Variants in JOSD2 observed in about 807,000 individuals in gnomAD.
JOSD2 encodes the protein josephin-2.
A neutral mutation model predicts 19.3 loss-of-function variants in JOSD2; 20 were observed. That is an observed-to-expected ratio of 1.04 (90% CI 0.73 to 1.51). JOSD2 has a LOEUF of 1.51. Among genes scored for constraint, JOSD2 ranks in the 40% most tolerant of loss-of-function variants. The probability of loss-of-function intolerance (pLI) is 0.00; values close to 1 mark genes in which losing one functional copy is unlikely to be tolerated. For missense variants in JOSD2, 215 were observed against 250.4 expected (o/e 0.86, Z 0.95); for synonymous variants, 118 against 123.7 (o/e 0.95, Z 0.31).
chr19:50,510,093 G>A, intron 2 of JOSD2, 193 bp downstream of exon 2: 1 of 567,214 alleles, frequency 1.8e-6, no homozygotes, highest in Non-Finnish European at 3.1e-6. Flanking sequence ...TTGAGGTCTG[G>A]CTGGGGCTGA....
Position 50,506,444 on chromosome 19 carries a change from C to A in JOSD2, c.401G>T (p.Gly134Val). 2 of 1,599,610 alleles carry A rather than the reference C, an allele frequency of 1.3e-6. No individual in the cohort carries two copies. Among genetic ancestry groups the A allele is most frequent in the Non-Finnish European group, 1.7e-6 (2 of 1,174,090 alleles). ...CTTGGAGTCCAGGTTGTAGTAGACA[C>A]CGTCCACCTGGCGCAGGGCCACCCA... is the stretch of plus-strand genomic sequence containing the variant. ...RHWVALRQVD[G>V]VYYNLDSKLR... is the part of the protein sequence containing the mutation. The change falls in exon 4 of 5, where the codon GGT becomes GTT. Residue 134 changes from glycine (G) to valine (V), a missense_variant. Transcript: ENST00000598418.
chr19:50,508,091 G>A (rs1036062563), intron 2 of JOSD2: 5 of 296,176 alleles, frequency 1.7e-5, no homozygotes, highest in African/African-American at 4.4e-5. Context: ...GTCTTCTCCC[G>A]CAGCCTCCAG....
chr19:50,508,698 C>CATGT, intron 2 of JOSD2, among the ~76,000 whole-genome samples: 1 of 140,910 alleles, frequency 7.1e-6, no homozygotes, highest in South Asian at 2.4e-4. Flanking sequence ...GGAAAACGCT[C>CATGT]GTGTGTGTGT....
chr19:50,506,075 A>C lies in JOSD2; in HGVS notation c.*98T>G. On this transcript the variant is annotated 3_prime_UTR_variant, in exon 5 of 5. Coordinates refer to ENST00000598418, the MANE Select transcript of JOSD2 (RefSeq NM_001270639.2). Reference sequence around the variant, plus strand: ...TGTGGGGAGGGGGCGGGGCCTCCCCAGGGTCCATGAAGTGCTGGCCTTTCC... The same window carrying C: ...TGTGGGGAGGGGGCGGGGCCTCCCCCGGGTCCATGAAGTGCTGGCCTTTCC... The C allele has an allele frequency of 8.5e-7, 1 of 1,171,184 alleles. No individual in the cohort carries two copies. The highest frequency in any genetic ancestry group is 1.2e-6 in the Non-Finnish European group (1 of 818,368). 72.5% of individuals were successfully genotyped at this position (1,171,184 alleles called of 1,614,324 possible).
chr19:50,508,452 C>T (rs1277426226), intron 2 of JOSD2, among the ~76,000 whole-genome samples: 1 of 152,212 alleles, frequency 6.6e-6, no homozygotes, highest in Non-Finnish European at 1.5e-5. Flanking sequence ...CAAGGCCCTG[C>T]GTGGTCTGGC....
intron 2 of JOSD2, among the ~76,000 whole-genome samples, chr19:50,509,642 G>T (rs1979613474): frequency 1.3e-5 from 2 of 152,078 alleles, no homozygotes; most frequent in Admixed American, 1.3e-4. Flanking sequence ...CTGTGACAGG[G>T]CCCAGATAAG....
chr19:50,508,557 G>A (rs531154463), intron 2 of JOSD2, among the ~76,000 whole-genome samples: 8 of 36,632 alleles, frequency 2.2e-4, no homozygotes, highest in Admixed American at 2.1e-3. Flanking sequence ...CCCCACCCCC[G>A]CCAACCTTTC....
In JOSD2 at chr19:50,506,128, G is replaced by A. The variant is rs765433155; in HGVS notation, c.*45C>T. ...GGCATGCAGTGTGCGCAGCCGGAGG[G>A]GGATGCGCAGGGACTGCGCTGTGGG... On this transcript the variant is annotated 3_prime_UTR_variant, in exon 5 of 5. Transcript: ENST00000598418. The A allele has an allele frequency of 1.9e-6, 3 of 1,561,210 alleles. No individual in the cohort carries two copies. In the South Asian group the frequency reaches 3.4e-5, roughly 18 times the overall value.
At chr19:50,506,625 G>A (rs2122703838) in intron 3 of JOSD2, 53 bp from the exon 4 acceptor site, 3 of 1,440,638 alleles carry the variant, frequency 2.1e-6, no homozygotes, top group South Asian at 1.4e-5. Flanking sequence ...GCCCGCCGGT[G>A]AAATGTTGCT....
chr19:50,506,345 C>G, intron 4 of JOSD2, 33 bp downstream of exon 4: 1 of 1,605,168 alleles, frequency 6.2e-7, no homozygotes, highest in Non-Finnish European at 8.5e-7. Context: ...GGTTTCAGGC[C>G]CCTGGTCTTG....
chr19:50,507,833 C>G, intron 2 of JOSD2, 134 bp from the exon 3 acceptor site: 1 of 1,098,314 alleles, frequency 9.1e-7, no homozygotes, highest in Non-Finnish European at 1.3e-6. Flanking sequence ...CATCCACCCC[C>G]AAGTCCTGCC....
chr19:50,507,714 G>A lies in JOSD2; in HGVS notation c.147-15C>T. Reference sequence around the variant, plus strand: ...CTGGGGCCAACCTGGTAGTGGGGGTGGCCAGAGCTGAGGTGGGGACCCCTG... The same window carrying A: ...CTGGGGCCAACCTGGTAGTGGGGGTAGCCAGAGCTGAGGTGGGGACCCCTG... On this transcript the variant is annotated splice_polypyrimidine_tract_variant and intron_variant, in intron 2 of 4. Transcript: ENST00000598418. 1 of 1,607,022 alleles carries A rather than the reference G, an allele frequency of 6.2e-7. No individual in the cohort carries two copies.
chr19:50,510,182 C>G, intron 2 of JOSD2, 104 bp downstream of exon 2: 1 of 1,396,722 alleles, frequency 7.2e-7, no homozygotes, highest in Non-Finnish European at 9.9e-7. Flanking sequence ...GAGCGCGGAG[C>G]AGAAGAAAGC....
chr19:50,508,112 G>A, intron 2 of JOSD2: 1 of 279,902 alleles, frequency 3.6e-6, no homozygotes, highest in South Asian at 3.7e-5. Flanking sequence ...CCTCCCTCCA[G>A]TCCATTCCCA....
chr19:50,508,863 T>C (rs1471341815), intron 2 of JOSD2, among the ~76,000 whole-genome samples: 1 of 151,954 alleles, frequency 6.6e-6, no homozygotes, highest in Admixed American at 6.6e-5. Flanking sequence ...CTAAATACCA[T>C]AATAATCAGT....
At chr19:50,506,729 C>T (rs984727269) in intron 3 of JOSD2, among the ~76,000 whole-genome samples, 157 bp from the exon 4 acceptor site, 2 of 151,788 alleles carry the variant, frequency 1.3e-5, no homozygotes, top group Admixed American at 6.6e-5. Flanking sequence ...GACACTCATC[C>T]GTTCACCTGC....
At chr19:50,507,794 T>C (rs1355286365) in intron 2 of JOSD2, 95 bp from the exon 3 acceptor site, 4 of 1,469,816 alleles carry the variant, frequency 2.7e-6, no homozygotes, top group Non-Finnish European at 3.7e-6. Flanking sequence ...CCTCAGCCTT[T>C]GACTCTCCCC....
In JOSD2 at chr19:50,507,573, C is replaced by T; in HGVS notation, c.272+1G>A. 6.2e-7 allele frequency: 1 copy of T among 1,603,362 alleles called. No homozygotes were observed. Among genetic ancestry groups the T allele is most frequent in the African/African-American group, 1.3e-5 (1 of 75,006 alleles). On this transcript the variant is annotated splice_donor_variant, in intron 3 of 4. Coordinates refer to ENST00000598418, the MANE Select transcript of JOSD2 (RefSeq NM_001270639.2). LOFTEE classifies it high-confidence loss of function. Reference sequence around the variant, plus strand: ...ACATGCTGTGCTGCTCTGGGGCCTACCTCCTCCTGTCCCACCACACGGCGG... The same window carrying T: ...ACATGCTGTGCTGCTCTGGGGCCTATCTCCTCCTGTCCCACCACACGGCGG...
rs1338984774 is a variant in JOSD2 at position 50,506,591 on chromosome 19, G to T, written c.273-19C>A. On this transcript the variant is annotated intron_variant, in intron 3 of 4. Transcript: ENST00000598418. ...CAGGGGCCTGTGTGGGCAGGGAGGG[G>T]ACACTGCCATCAGGGCCTGCTCCGC... 2.0e-6 allele frequency: 3 copies of T among 1,492,634 alleles called. No homozygotes were observed. The East Asian group carries it at 7.4e-5, about 37-fold the overall frequency. 92.5% of individuals were successfully genotyped at this position (1,492,634 alleles called of 1,614,324 possible). A position where few individuals can be genotyped will look rare whatever the true frequency, so the allele number is the denominator to read the frequency against.
Sources: allele counts gnomAD v4.1 joint callset (sites outside exome capture counted in the v4.1 genomes callset), GRCh38; gene constraint gnomAD v4.1.1; transcripts MANE v1.5; gene names NCBI Gene and HGNC (gene_info 2026-07-23, HGNC 2026-07-21).